Variants in ANKRD36C observed in about 807,000 individuals in gnomAD.
ANKRD36C encodes the protein ankyrin repeat domain-containing protein 36C.
ANKRD36C carries 61 observed loss-of-function variants against 276.4 expected under a neutral mutation model. The ratio of observed to expected loss-of-function variants is 0.22; its 90% CI spans 0.18 to 0.27. The LOEUF is 0.27. Among genes scored for constraint, ANKRD36C ranks in the 10% least tolerant of loss-of-function variants. The pLI is 1.00. For synonymous variants in ANKRD36C, 483 were observed against 680.1 expected, an observed-to-expected ratio of 0.71 and a Z score of 4.51; for missense variants, 1,447 against 2,032.3, an observed-to-expected ratio of 0.71 and a Z score of 5.54.
intron 46 of ANKRD36C, among the ~76,000 whole-genome samples, chr2:95,890,803 T>G (rs1446516064): frequency 6.6e-6 from 1 of 151,510 alleles, no homozygotes; most frequent in Non-Finnish European, 1.5e-5. Context: ...ATTTTAGGAG[T>G]TAATTAGAAT....
At chr2:95,855,709 A>G (rs767968741) in exon 63 of ANKRD36C, 1 of 1,612,810 alleles carries the variant, frequency 6.2e-7, no homozygotes, top group Non-Finnish European at 8.5e-7. Context: ...TCAGCTTTAG[A>G]AAGTTGCAGA....
chr2:95,962,322 A>G, intron 8 of ANKRD36C, 30 bp downstream of exon 8: 1 of 1,545,522 alleles, frequency 6.5e-7, no homozygotes, highest in Non-Finnish European at 8.7e-7. Flanking sequence ...TCCTGAGTGA[A>G]CATGACATTA....
intron 60 of ANKRD36C, among the ~76,000 whole-genome samples, chr2:95,863,328 A>G (rs1675623974): frequency 6.6e-6 from 1 of 152,172 alleles, no homozygotes; most frequent in Non-Finnish European, 1.5e-5. Context: ...TCTATAAAAG[A>G]AAGTTAAGTT....
intron 6 of ANKRD36C, among the ~76,000 whole-genome samples, chr2:95,971,678 T>G (rs1453379350): frequency 1.3e-5 from 2 of 151,990 alleles, no homozygotes; most frequent in Non-Finnish European, 2.9e-5. Context: ...AGAAAATAAC[T>G]GATAAATGAT....
At chr2:95,912,294 G>C (rs1380097662) in exon 42 of ANKRD36C, 5 of 1,570,950 alleles carry the variant, frequency 3.2e-6, no homozygotes, top group Non-Finnish European at 4.3e-6. Flanking sequence ...ATTCGAAAAA[G>C]AATCTTTCTC....
chr2:95,884,787 C>T (rs1342310511), intron 52 of ANKRD36C, among the ~76,000 whole-genome samples: 1 of 151,910 alleles, frequency 6.6e-6, no homozygotes, highest in Non-Finnish European at 1.5e-5. Context: ...TACAGACATT[C>T]ATCATGCTCT....
intron 13 of ANKRD36C, among the ~76,000 whole-genome samples, chr2:95,955,691 C>T (rs1283748461): frequency 6.8e-6 from 1 of 148,054 alleles, no homozygotes; most frequent in South Asian, 2.2e-4. Flanking sequence ...AAGAAGACTG[C>T]GTTTTGAACT....
chr2:95,989,129 T>G (rs1412136149), intron 1 of ANKRD36C, among the ~76,000 whole-genome samples: 1 of 152,126 alleles, frequency 6.6e-6, no homozygotes, highest in Non-Finnish European at 1.5e-5. Context: ...ATCATGCCAC[T>G]GCACTCCAGG....
intron 42 of ANKRD36C, among the ~76,000 whole-genome samples, chr2:95,908,155 AAG>A (rs1386060596): frequency 6.7e-6 from 1 of 149,630 alleles, no homozygotes; most frequent in Admixed American, 6.7e-5. Flanking sequence ...GTACGATCTG[AAG>A]TGTGTAAATT....
chr2:95,889,933 A>C, intron 47 of ANKRD36C, 33 bp downstream of exon 67: 1 of 1,609,434 alleles, frequency 6.2e-7, no homozygotes, highest in Non-Finnish European at 8.5e-7. Context: ...CTATACAGTT[A>C]ATAGTTCAAA....
intron 40 of ANKRD36C, 78 bp from the exon 43 acceptor site, chr2:95,912,513 T>C: frequency 6.3e-7 from 1 of 1,593,758 alleles, no homozygotes; most frequent in Non-Finnish European, 8.5e-7. Context: ...AGTGTTAGCA[T>C]CAACCTCTGA....
At chr2:95,853,652 A>G in intron 64 of ANKRD36C, 57 bp downstream of exon 84, 2 of 1,537,116 alleles carry the variant, frequency 1.3e-6, no homozygotes, top group Admixed American at 3.9e-5. Flanking sequence ...AAAACACTTT[A>G]TATTAGTTAA....
intron 59 of ANKRD36C, among the ~76,000 whole-genome samples, chr2:95,874,423 C>T (rs1364232316): frequency 8.5e-5 from 13 of 152,132 alleles, no homozygotes; most frequent in South Asian, 2.1e-4. Flanking sequence ...AAACAAGCAA[C>T]GGGGAAAGGA....
chr2:95,919,580 GA>G lies in ANKRD36C; in HGVS notation c.2246-1539del, dbSNP rs561668892. On this transcript the variant is annotated intron_variant, in intron 34 of 66. Transcript: ENST00000456556. The stretch of plus-strand genomic sequence containing the variant: ...GGCCAACAGCATTAGCGTCTCCCAA[GA>G]AATTTATTACAAATGAAAAATCTCA... Among the ~76,000 whole-genome samples the G allele has an allele frequency of 2.8e-3, 372 of 132,086 alleles. 73 individuals are homozygous for G. The highest frequency in any genetic ancestry group is 4.6e-3 in the Admixed American group (58 of 12,476). 86.7% of individuals were successfully genotyped at this position (132,086 alleles called of 152,430 possible).
At chr2:95,884,136 G>C (rs1676147239) in intron 54 of ANKRD36C, 37 bp downstream of exon 74, 1 of 1,576,752 alleles carries the variant, frequency 6.3e-7, no homozygotes. Context: ...TTTCTATCTG[G>C]ACTGAACATG....
intron 54 of ANKRD36C, among the ~76,000 whole-genome samples, chr2:95,883,797 T>C (rs187677914): frequency 3.4e-4 from 51 of 152,188 alleles, no homozygotes; most frequent in East Asian, 1.7e-3. Context: ...TATGATCACT[T>C]TTCCGTCTGT....
chr2:95,896,523 G>A (rs1279471782), intron 44 of ANKRD36C, among the ~76,000 whole-genome samples: 2 of 149,548 alleles, frequency 1.3e-5, no homozygotes, highest in East Asian at 2.0e-4. Flanking sequence ...CCTTGAACAA[G>A]GAAGCAAATT....
intron 59 of ANKRD36C, among the ~76,000 whole-genome samples, chr2:95,871,594 A>T (rs546738264): frequency 7.2e-5 from 11 of 152,182 alleles, no homozygotes; most frequent in Non-Finnish European, 1.5e-5. Flanking sequence ...GAGACTAGGA[A>T]GAAACTGCAT....
chr2:95,893,654 C>T (rs757179269), intron 44 of ANKRD36C, 42 bp downstream of exon 63: 15 of 1,597,996 alleles, frequency 9.4e-6, no homozygotes, highest in African/African-American at 2.7e-5. Flanking sequence ...TTTCATAGAC[C>T]ATACATTAAC....
Sources: allele counts gnomAD v4.1 joint callset (sites outside exome capture counted in the v4.1 genomes callset), GRCh38; gene constraint gnomAD v4.1.1; transcripts MANE v1.5; gene names NCBI Gene and HGNC (gene_info 2026-07-23, HGNC 2026-07-21).